Variants in TP53BP1 observed in about 807,000 individuals in gnomAD.
The protein encoded by TP53BP1 is TP53-binding protein 1.
In TP53BP1, 61 loss-of-function variants were observed where a neutral mutation model predicts 200.8. That is an observed-to-expected ratio of 0.30 (90% CI 0.25 to 0.38). The LOEUF (loss-of-function observed/expected upper bound fraction) is 0.38. Ranked by LOEUF, TP53BP1 falls within the 10% of genes least tolerant of loss-of-function variation. The pLI is 1.00. For synonymous variants in TP53BP1, 822 were observed against 844.3 expected (o/e 0.97, Z 0.46); for missense variants, 2,144 against 2,371.9 (o/e 0.90, Z 2.00).
intron 19 of TP53BP1, among the ~76,000 whole-genome samples, chr15:43,421,397 G>C (rs2045393631): frequency 6.6e-6 from 1 of 152,138 alleles, no homozygotes; most frequent in Non-Finnish European, 1.5e-5. Context: ...TATTCCCTCT[G>C]ACAAAGCTTC....
chr15:43,409,778 A>AGT, intron 24 of TP53BP1, 37 bp from the exon 25 acceptor site: 3 of 1,116,718 alleles, frequency 2.7e-6, no homozygotes, highest in African/African-American at 1.6e-5. Flanking sequence ...ATAATTACTG[A>AGT]GTGGTTTTCT....
Position 43,479,894 on chromosome 15 carries a change from C to A in TP53BP1, c.623G>T (p.Gly208Val), listed in dbSNP as rs2078937952. The A allele has an allele frequency of 3.7e-6, 6 of 1,614,166 alleles. No individual in the cohort carries two copies. The highest frequency in any genetic ancestry group is 5.1e-6 in the Non-Finnish European group (6 of 1,180,024). Residue 208 changes from glycine (G) to valine (V), a missense_variant, in exon 6 of 28, where the codon GGT becomes GTT. Coordinates refer to ENST00000382044, the MANE Select transcript of TP53BP1 (RefSeq NM_001141980.3). ...ATCCACATCAGACAGCCTGGTATAACCAGAGTTGGTGGTTACTGATTGTAG... is the reference window on the plus strand; with the variant it reads ...ATCCACATCAGACAGCCTGGTATAAACAGAGTTGGTGGTTACTGATTGTAG... Reference protein sequence around the residue: ...EQLQSVTTNSGYTRLSDVDAN... With the variant: ...EQLQSVTTNSVYTRLSDVDAN...
intron 4 of TP53BP1, among the ~76,000 whole-genome samples, chr15:43,482,867 T>C (rs1476526411): frequency 6.6e-6 from 1 of 151,878 alleles, no homozygotes; most frequent in African/African-American, 2.4e-5. Context: ...GAGGTGGAGG[T>C]TGCAGTAAGC....
chr15:43,469,981 T>C lies in TP53BP1; in HGVS notation c.1266A>G (p.Leu422=). Residue 422 remains leucine, a synonymous_variant, in exon 11 of 28, where the codon TTA becomes TTG. Coordinates refer to ENST00000382044, the MANE Select transcript of TP53BP1 (RefSeq NM_001141980.3). ...ACTCAGGCAGGAGAGGGGGGTTTTC[T>C]AACTCCACTGGTTCACCACTTTGAA... The part of the protein sequence containing the change: ...KKLQSGEPVE[L]ENPPLLPEST... 6.2e-7 allele frequency: 1 copy of C among 1,614,010 alleles called. No homozygotes were observed. The highest frequency in any genetic ancestry group is 8.5e-7 in the Non-Finnish European group (1 of 1,180,028).
rs748032531 is a variant in TP53BP1 at position 43,409,618 on chromosome 15, A to AT, written c.5400+28dup. On this transcript the variant is annotated intron_variant, in intron 25 of 27. Transcript: ENST00000382044. The stretch of plus-strand genomic sequence containing the variant: ...CAAGTTGGCTCTTATCATTGCCACT[A>AT]TATTAGGTTACACAAAGAAACTCCT... 3.1e-6 allele frequency: 4 copies of AT among 1,287,440 alleles called. No homozygotes were observed. In the Admixed American group the frequency reaches 9.2e-5, roughly 30 times the overall value. The allele number at this position is 1,287,440 out of a possible 1,614,324, so 79.8% of individuals were successfully genotyped here. A position where few individuals can be genotyped will look rare whatever the true frequency, so the allele number is the denominator to read the frequency against.
chr15:43,446,623 A>G, intron 13 of TP53BP1, 33 bp from the exon 14 acceptor site: 1 of 1,602,110 alleles, frequency 6.2e-7, no homozygotes, highest in Admixed American at 1.7e-5. Flanking sequence ...GAAGAAAAAA[A>G]GAACACTAAA....
chr15:43,407,723 G>GAGTT (rs1205555158), intron 27 of TP53BP1, 153 bp from the exon 28 acceptor site: 7 of 823,202 alleles, frequency 8.5e-6, no homozygotes, highest in African/African-American at 5.2e-5. Context: ...ACCAAAGGCA[G>GAGTT]AGTTATAATC....
chr15:43,416,440 A>C (rs781212184), intron 21 of TP53BP1, 24 bp from the exon 22 acceptor site: 19 of 1,609,632 alleles, frequency 1.2e-5, no homozygotes, highest in South Asian at 7.7e-5. Context: ...AGCATAAAAG[A>C]AGCTTGCTGT....
Position 43,404,529 on chromosome 15 carries a change from C to A in TP53BP1, c.*2854G>T, listed in dbSNP as rs368490891. On this transcript the variant is annotated 3_prime_UTR_variant, in exon 28 of 28. Transcript: ENST00000382044. ...GACTAGATTATAACAAATACTATACCCAGGCTGGTGGAACTCTGGGCAGGT... is the reference window on the plus strand; with the variant it reads ...GACTAGATTATAACAAATACTATACACAGGCTGGTGGAACTCTGGGCAGGT... 9.5e-4 allele frequency: 1,532 copies of A among 1,614,078 alleles called. No homozygotes were observed. The highest frequency in any genetic ancestry group is 1.2e-3 in the Non-Finnish European group (1,474 of 1,179,996).
chr15:43,444,821 C>A (rs2046005145), intron 14 of TP53BP1, among the ~76,000 whole-genome samples: 1 of 152,144 alleles, frequency 6.6e-6, no homozygotes, highest in Non-Finnish European at 1.5e-5. Context: ...CTCCCAACTT[C>A]TTCAGGGCCT....
intron 11 of TP53BP1, among the ~76,000 whole-genome samples, chr15:43,459,008 T>C (rs931634044): frequency 6.6e-6 from 1 of 152,114 alleles, no homozygotes; most frequent in African/African-American, 2.4e-5. Flanking sequence ...CACAGAAAGA[T>C]GTGCATCCAA....
intron 24 of TP53BP1, chr15:43,412,800 CATT>C (rs1379788305): frequency 2.1e-6 from 1 of 485,794 alleles, no homozygotes; most frequent in East Asian, 6.5e-5. Context: ...ACAGGTTTGT[CATT>C]ATTGTGGACA....
upstream of TP53BP1, among the ~76,000 whole-genome samples, chr15:43,496,364 TA>T (rs1430037499): frequency 6.6e-6 from 1 of 152,200 alleles, no homozygotes; most frequent in Non-Finnish European, 1.5e-5. Context: ...AATTATATAA[TA>T]AATTTCAAAC....
intron 13 of TP53BP1, 65 bp from the exon 14 acceptor site, chr15:43,446,655 A>G: frequency 6.3e-7 from 1 of 1,578,702 alleles, no homozygotes; most frequent in Non-Finnish European, 8.6e-7. Context: ...AAAAACAGCA[A>G]TTCAAGGTCA....
chr15:43,458,632 T>C (rs1391934250), intron 11 of TP53BP1, among the ~76,000 whole-genome samples: 4 of 151,604 alleles, frequency 2.6e-5, no homozygotes, highest in Non-Finnish European at 2.9e-5. Context: ...CTTTAAAAAT[T>C]AGCCAGGCAT....
intron 27 of TP53BP1, 32 bp from the exon 28 acceptor site, chr15:43,407,602 A>C (rs1393135447): frequency 1.3e-6 from 2 of 1,588,144 alleles, no homozygotes; most frequent in South Asian, 2.3e-5. Flanking sequence ...GAAGAAGGAA[A>C]GGACACTCAA....
intron 11 of TP53BP1, among the ~76,000 whole-genome samples, chr15:43,460,205 T>A (rs1335485170): frequency 1.3e-5 from 2 of 152,224 alleles, no homozygotes; most frequent in Non-Finnish European, 2.9e-5. Flanking sequence ...TTGCCTAATG[T>A]AAATGATGTA....
chr15:43,474,884 C>G, intron 9 of TP53BP1, 117 bp from the exon 10 acceptor site: 1 of 646,828 alleles, frequency 1.5e-6, no homozygotes, highest in Non-Finnish European at 2.6e-6. Context: ...AAATACTTAT[C>G]AGCACTTTTC....
At chr15:43,414,417 T>A (rs1401112223) in intron 23 of TP53BP1, among the ~76,000 whole-genome samples, 1 of 152,132 alleles carries the variant, frequency 6.6e-6, no homozygotes, top group African/African-American at 2.4e-5. Flanking sequence ...AGCAGTTGGG[T>A]AGATAAGGAG....
Sources: gnomAD v4.1 joint callset for allele counts (sites outside exome capture counted in the v4.1 genomes callset) on GRCh38, gnomAD v4.1.1 for gene constraint, MANE v1.5 for transcripts, NCBI Gene and HGNC (gene_info 2026-07-23, HGNC 2026-07-21) for gene names.